KMT2A: variants seen among roughly 807,000 people sequenced by gnomAD.
KMT2A encodes histone-lysine N-methyltransferase 2A.
A neutral mutation model predicts 345.3 loss-of-function variants in KMT2A; 16 were observed. The ratio of observed to expected loss-of-function variants is 0.05; its 90% CI spans 0.03 to 0.07. The LOEUF is 0.07. Among genes scored for constraint, KMT2A ranks in the 10% least tolerant of loss-of-function variants. The pLI is 1.00. For missense variants in KMT2A, 3,272 were observed against 4,841.6 expected, an observed-to-expected ratio of 0.68 and a Z score of 9.62; for synonymous variants, 1,599 against 1,778.6, an observed-to-expected ratio of 0.90 and a Z score of 2.54.
chr11:118,451,808 G>C (rs1425500195), intron 1 of KMT2A, among the ~76,000 whole-genome samples: 1 of 151,956 alleles, frequency 6.6e-6, no homozygotes, highest in Non-Finnish European at 1.5e-5. Context: ...TCTTTTTAAT[G>C]AGCTCAGCTT....
chr11:118,478,515 G>A (rs1950076955), intron 5 of KMT2A, among the ~76,000 whole-genome samples: 2 of 152,194 alleles, frequency 1.3e-5, no homozygotes, highest in African/African-American at 4.8e-5. Flanking sequence ...TGTGATTAGT[G>A]TGACTGAGGA....
At chr11:118,444,565 GT>G in intron 1 of KMT2A, among the ~76,000 whole-genome samples, 1 of 152,070 alleles carries the variant, frequency 6.6e-6, no homozygotes. Context: ...TCTTGAAAAA[GT>G]TTTTTTTGTG....
intron 1 of KMT2A, among the ~76,000 whole-genome samples, chr11:118,454,432 C>A (rs927616902): frequency 1.5e-4 from 23 of 152,218 alleles, no homozygotes; most frequent in Non-Finnish European, 2.6e-4. Context: ...GAACACTACT[C>A]CACCAAGGTC....
chr11:118,505,973 G>C lies in KMT2A; in HGVS notation c.10081G>C (p.Val3361Leu). The C allele has an allele frequency of 6.2e-7, 1 of 1,614,196 alleles. No homozygotes were observed. Among genetic ancestry groups the C allele is most frequent in the Admixed American group, 1.7e-5 (1 of 60,028 alleles). The change falls in exon 27 of 36, where the codon GTT (valine) becomes CTT (leucine). Residue 3361 changes from valine (V) to leucine (L), a missense_variant. By Grantham distance (32) the Val-to-Leu change is conservative. This residue lies in a region of KMT2A where 748 missense variants were observed against 922.2 expected (regional missense o/e 0.81). Transcript: ENST00000534358. This position sits in a 1 kb window ranked among gnomAD's most constrained non-coding sequence, Gnocchi z 4.6. ...TTTTPTSSAS[V>L]PGHVTLTNPR... ...CACAACCCCTACAAGTAGTGCGTCA[G>C]TTCCAGGACACGTCACCTTAACCAA...
chr11:118,464,683 T>C (rs989071149), intron 1 of KMT2A, among the ~76,000 whole-genome samples: 21 of 152,152 alleles, frequency 1.4e-4, no homozygotes, highest in African/African-American at 4.8e-4. Flanking sequence ...AAGCATGTCT[T>C]TGAAGAATTG....
At chr11:118,509,725 G>A (rs1205485316) in intron 29 of KMT2A, among the ~76,000 whole-genome samples, 4 of 152,078 alleles carry the variant, frequency 2.6e-5, no homozygotes, top group African/African-American at 9.7e-5. Context: ...CTACCACAGA[G>A]AGCATAACTT....
chr11:118,479,373 T>A (rs1950093262), intron 5 of KMT2A, among the ~76,000 whole-genome samples: 1 of 152,214 alleles, frequency 6.6e-6, no homozygotes, highest in Non-Finnish European at 1.5e-5. Context: ...GAAATTTTGG[T>A]GATTAAGCAT....
At chr11:118,441,444 C>T (rs1300233005) in intron 1 of KMT2A, among the ~76,000 whole-genome samples, 1 of 152,142 alleles carries the variant, frequency 6.6e-6, no homozygotes, top group African/African-American at 2.4e-5. Context: ...ACACATAGTT[C>T]TGAGAACCTA....
intron 11 of KMT2A, 130 bp downstream of exon 11, chr11:118,488,890 C>A: frequency 1.4e-6 from 1 of 701,272 alleles, no homozygotes; most frequent in Non-Finnish European, 2.4e-6. Context: ...TCTATGTGAA[C>A]AGACTTTTTC....
rs782816466 is a variant in KMT2A at position 118,506,501 on chromosome 11, A to G, written c.10609A>G (p.Thr3537Ala). The stretch of plus-strand genomic sequence containing the variant: ...AGCAAGCCCTTCAGTGCCGGGTCCC[A>G]CTAAACCCAAACCAAAAACCAAACG... ...RSASPSVPGP[T>A]KPKPKTKRFQ... The change falls in exon 27 of 36, where the codon ACT becomes GCT. Residue 3537 changes from threonine (T) to alanine (A), a missense_variant. This residue lies in a region of KMT2A where 748 missense variants were observed against 922.2 expected (regional missense o/e 0.81). Transcript: ENST00000534358. 1.3e-4 allele frequency: 217 copies of G among 1,614,074 alleles called. No individual in the cohort carries two copies. Among genetic ancestry groups the G allele is most frequent in the Non-Finnish European group, 1.8e-4 (208 of 1,180,044 alleles).
chr11:118,510,413 GCCTTCTGTGC>G lies in KMT2A; in HGVS notation c.11071+302_11071+311del, dbSNP rs1407672096. 2.0e-4 allele frequency among the ~76,000 whole-genome samples: 30 copies of G among 152,094 alleles called. No individual in the cohort carries two copies. Among genetic ancestry groups the G allele is most frequent in the Admixed American group, 3.9e-4 (6 of 15,282 alleles). Reference sequence around the variant, plus strand: ...CTTGTTTTTTGCCATTCCCTCATGCGCCTTCTGTGCCCTTCTCTCTCCCTTGTGTGCCTTC... The same window carrying G: ...CTTGTTTTTTGCCATTCCCTCATGCGCCTTCTCTCTCCCTTGTGTGCCTTC... On this transcript the variant is annotated intron_variant, in intron 30 of 35. Transcript: ENST00000534358. This position sits in a 1 kb window ranked among gnomAD's most constrained non-coding sequence, Gnocchi z 4.1.
rs782175106 is a variant in KMT2A at position 118,504,523 on chromosome 11, C to T, written c.8631C>T (p.Leu2877=). 6.2e-7 allele frequency: 1 copy of T among 1,614,160 alleles called. No individual in the cohort carries two copies. The highest frequency in any genetic ancestry group is 1.1e-5 in the South Asian group (1 of 91,078). Residue 2877 remains leucine, a synonymous_variant, in exon 27 of 36, where the codon CTC becomes CTT. Transcript: ENST00000534358. The surrounding 1 kb of genome is among the most constrained non-coding windows in gnomAD (Gnocchi z 6.4). ...GESPESSSSE[L]LNLGEGLGLD... is the part of the protein sequence containing the mutation. ...GCCCAGAGTCATCTTCATCAGAACT[C>T]CTGAATCTTGGTGAAGGATTGGGTC...
rs1276647519 is a variant in KMT2A, at chr11:118,473,231, A to C, written c.2072A>C (p.His691Pro). Residue 691 changes from histidine (H) to proline (P), a missense_variant, in exon 3 of 36, where the codon CAC becomes CCC. Around this residue, in one of 27 missense-constraint regions of KMT2A, gnomAD observed 114 missense variants for 203.2 expected, o/e 0.56. Coordinates refer to ENST00000534358, the MANE Select transcript of KMT2A (RefSeq NM_001197104.2). This position sits in a 1 kb window ranked among gnomAD's most constrained non-coding sequence, Gnocchi z 5.2. Reference protein sequence around the residue: ...PLHSGTRFDMHKRSPLLRAPR... With the variant: ...PLHSGTRFDMPKRSPLLRAPR... ...CATTCTGGAACAAGGTTTGATATGC[A>C]CAAAAGGAGCCCTCTTCTGAGAGCT... is the stretch of plus-strand genomic sequence containing the variant. The C allele has an allele frequency of 5.6e-6, 9 of 1,611,776 alleles. No individual in the cohort carries two copies. The highest frequency in any genetic ancestry group is 1.3e-5 in the African/African-American group (1 of 74,754).
In KMT2A at chr11:118,468,824, G is replaced by A. The variant is rs1555034788; in HGVS notation, c.482G>A (p.Ser161Asn). ...TCAGATGAAGAAGTCAGAGTGCGAA[G>A]TCCCACAAGGTCTCCTTCAGGTACG... ...FGSDEEVRVR[S>N]PTRSPSVKTS... Residue 161 changes from serine (S) to asparagine (N), a missense_variant, in exon 2 of 36, where the codon AGT becomes AAT. This residue lies in a region of KMT2A where 412 missense variants were observed against 511.0 expected (regional missense o/e 0.81). Transcript: ENST00000534358. 1 of 1,613,224 alleles carries A rather than the reference G, an allele frequency of 6.2e-7. No individual in the cohort carries two copies. The highest frequency in any genetic ancestry group is 8.5e-7 in the Non-Finnish European group (1 of 1,179,366).
rs1950675522 is a variant in KMT2A at position 118,510,966 on chromosome 11, T to C, written c.11071+848T>C. Reference sequence around the variant, plus strand: ...AAGGCAGGACTGCATTTGGTGGGTTTAGAGTAGTGTCAGGTGAGATGGCAT... The same window carrying C: ...AAGGCAGGACTGCATTTGGTGGGTTCAGAGTAGTGTCAGGTGAGATGGCAT... On this transcript the variant is annotated intron_variant, in intron 30 of 35. Transcript: ENST00000534358. This position sits in a 1 kb window ranked among gnomAD's most constrained non-coding sequence, Gnocchi z 4.1. Among the ~76,000 whole-genome samples, 1 of 152,142 alleles carries C rather than the reference T, an allele frequency of 6.6e-6. No homozygotes were observed. The highest frequency in any genetic ancestry group is 2.4e-5 in the African/African-American group (1 of 41,428).
rs782395397 is a variant in KMT2A, at chr11:118,488,645, T to G, written c.4364T>G (p.Phe1455Cys). The change falls in exon 11 of 36, where the codon TTC becomes TGC. Residue 1455 changes from phenylalanine to cysteine, a missense_variant. Physicochemically the swap from Phe to Cys is radical, Grantham distance 205. Coordinates refer to ENST00000534358, the MANE Select transcript of KMT2A (RefSeq NM_001197104.2). ...FVYCQVCCEPFHKFCLEENER... is the reference protein window; with the variant it reads ...FVYCQVCCEPCHKFCLEENER... ...TATTGCCAAGTCTGTTGTGAGCCCT[T>G]CCACAAGTTTTGTTTAGAGGAGAAC... The G allele has an allele frequency of 6.2e-7, 1 of 1,613,936 alleles. No individual in the cohort carries two copies.
chr11:118,437,561 C>A (rs1949217571), intron 1 of KMT2A, among the ~76,000 whole-genome samples: 1 of 150,082 alleles, frequency 6.7e-6, no homozygotes, highest in South Asian at 2.1e-4. Flanking sequence ...CCAAGCAGAC[C>A]GATCCTCCCC....
Position 118,525,433 on chromosome 11 carries a change from C to T in KMT2A, c.*3261C>T. 4.4e-6 allele frequency: 1 copy of T among 227,690 alleles called. No homozygotes were observed. Among genetic ancestry groups the T allele is most frequent in the East Asian group, 6.3e-5 (1 of 15,932 alleles). 14.1% of individuals were successfully genotyped at this position (227,690 alleles called of 1,614,324 possible). On this transcript the variant is annotated 3_prime_UTR_variant, in exon 36 of 36. Transcript: ENST00000534358. Reference sequence around the variant, plus strand: ...CTCCTTGGCCACCCACCACCTCTCGCACAGCCCCTCTGTTTTTACACCAAT... The same window carrying T: ...CTCCTTGGCCACCCACCACCTCTCGTACAGCCCCTCTGTTTTTACACCAAT...
chr11:118,491,647 C>T lies in KMT2A; in HGVS notation c.4820-97C>T. ...ATTAAAATCTTAATGTGGTTCCCAACATATGGCTTTATAGTAAGTTCAGTG... is the reference window on the plus strand; with the variant it reads ...ATTAAAATCTTAATGTGGTTCCCAATATATGGCTTTATAGTAAGTTCAGTG... On this transcript the variant is annotated intron_variant, in intron 14 of 35. Transcript: ENST00000534358. The surrounding 1 kb of genome is among the most constrained non-coding windows in gnomAD (Gnocchi z 4.2). The T allele has an allele frequency of 1.1e-6, 1 of 951,416 alleles. No homozygotes were observed. The highest frequency in any genetic ancestry group is 1.6e-6 in the Non-Finnish European group (1 of 641,022). 58.9% of individuals were successfully genotyped at this position (951,416 alleles called of 1,614,324 possible).
Sources: allele counts gnomAD v4.1 joint callset (sites outside exome capture counted in the v4.1 genomes callset), GRCh38; gene constraint gnomAD v4.1.1; regional missense constraint gnomAD v4.1.1; non-coding constraint Gnocchi (gnomAD v3.1); transcripts MANE v1.5; gene names NCBI Gene and HGNC (gene_info 2026-07-23, HGNC 2026-07-21).